Variants in RLIG1 observed in about 807,000 individuals in gnomAD.
RLIG1 encodes RNA 5'-phosphate and 3'-OH ligase 1.
the RLIG1 span, among the ~76,000 whole-genome samples, chr12:88,041,006 A>G: frequency 6.6e-6 from 1 of 152,160 alleles, no homozygotes; most frequent in South Asian, 2.1e-4. Flanking sequence ...GTTCAGTGGC[A>G]TTAAGTATGT....
chr12:88,044,457 T>G, the RLIG1 span: 1 of 152,206 alleles, frequency 6.6e-6, no homozygotes, highest in Non-Finnish European at 1.5e-5. Flanking sequence ...CCGGCATGTC[T>G]TGAGTGCCCA....
the RLIG1 span, chr12:88,049,331 G>A: frequency 2.5e-5 from 40 of 1,585,434 alleles, no homozygotes; most frequent in Non-Finnish European, 3.2e-5. Flanking sequence ...CTTCTTCCTT[G>A]TAATTATACT....
chr12:88,039,021 T>C, the RLIG1 span, among the ~76,000 whole-genome samples: 1 of 152,174 alleles, frequency 6.6e-6, no homozygotes. Context: ...ATGTCAATTA[T>C]ATTGAGAAAA....
At chr12:88,046,362 C>T in the RLIG1 span, among the ~76,000 whole-genome samples, 1 of 152,132 alleles carries the variant, frequency 6.6e-6, no homozygotes, top group Non-Finnish European at 1.5e-5. Flanking sequence ...ATCAGAGATA[C>T]AGTGCAGCTG....
chr12:88,038,314 A>C, the RLIG1 span, among the ~76,000 whole-genome samples: 1 of 152,190 alleles, frequency 6.6e-6, no homozygotes, highest in African/African-American at 2.4e-5. Context: ...TTCTGCCTGC[A>C]TAGTCTAGGA....
the RLIG1 span, chr12:88,048,119 G>A: frequency 3.2e-6 from 2 of 627,104 alleles, no homozygotes; most frequent in Non-Finnish European, 4.8e-6. Flanking sequence ...AAAAAAAACA[G>A]TAAGATAAAG....
the RLIG1 span, chr12:88,036,078 T>C: frequency 5.1e-6 from 7 of 1,374,816 alleles, no homozygotes; most frequent in Non-Finnish European, 6.7e-6. Flanking sequence ...AATCAGGTAA[T>C]TGCCACAGTC....
the RLIG1 span, chr12:88,043,629 A>G: frequency 6.2e-7 from 1 of 1,612,388 alleles, no homozygotes; most frequent in Admixed American, 1.7e-5. Flanking sequence ...GAGGACTTCA[A>G]ACCAGCTCCG....
the RLIG1 span, chr12:88,040,306 T>G: frequency 8.4e-7 from 1 of 1,186,916 alleles, no homozygotes; most frequent in South Asian, 1.4e-5. Flanking sequence ...TATTACTTAT[T>G]TTTCTTAATC....
the RLIG1 span, chr12:88,036,181 C>T: frequency 1.2e-6 from 1 of 860,800 alleles, no homozygotes; most frequent in South Asian, 1.5e-5. Context: ...GCGGTGTTGA[C>T]AGTAGCCTAA....
chr12:88,035,683 C>CGT, the RLIG1 span: 1 of 1,609,080 alleles, frequency 6.2e-7, no homozygotes, highest in Non-Finnish European at 8.5e-7. Context: ...CGGAAAATGC[C>CGT]GTGTGTGTTT....
the RLIG1 span, chr12:88,043,788 A>G: frequency 9.2e-7 from 1 of 1,085,522 alleles, no homozygotes; most frequent in Non-Finnish European, 1.4e-6. Flanking sequence ...TCAATCAGAA[A>G]TTACAGAATT....
the RLIG1 span, chr12:88,036,089 C>T: frequency 2.9e-6 from 4 of 1,359,270 alleles, no homozygotes; most frequent in Non-Finnish European, 9.7e-7. Flanking sequence ...TGCCACAGTC[C>T]AAGCTTTACT....
At chr12:88,045,856 CAT>C in the RLIG1 span, 2 of 1,101,734 alleles carry the variant, frequency 1.8e-6, no homozygotes, top group East Asian at 2.4e-5. Context: ...ACTTAAAAAA[CAT>C]ACACACACTA....
chr12:88,036,758 C>T, the RLIG1 span, among the ~76,000 whole-genome samples: 3 of 152,296 alleles, frequency 2.0e-5, no homozygotes, highest in South Asian at 6.2e-4. Context: ...GTCTTACTTG[C>T]CACTCAGACT....
chr12:88,042,156 G>C, the RLIG1 span: 1 of 152,154 alleles, frequency 6.6e-6, no homozygotes, highest in Non-Finnish European at 1.5e-5. Context: ...AACCACTTAT[G>C]TGTGCAGGCA....
chr12:88,035,742 C>G, the RLIG1 span: 1 of 1,590,500 alleles, frequency 6.3e-7, no homozygotes, highest in Non-Finnish European at 8.6e-7. Flanking sequence ...GCATCAGGTA[C>G]GGAGGAGCGC....
the RLIG1 span, among the ~76,000 whole-genome samples, chr12:88,038,139 G>A: frequency 6.6e-6 from 1 of 152,138 alleles, no homozygotes; most frequent in African/African-American, 2.4e-5. Context: ...GAGTACTCAT[G>A]GTGCAAAGAC....
At chr12:88,035,759 G>A in the RLIG1 span, 1 of 1,573,176 alleles carries the variant, frequency 6.4e-7, no homozygotes, top group East Asian at 2.4e-5. Flanking sequence ...GCGCCGGGCA[G>A]GCTTGGCGGC....
Sources: allele counts gnomAD v4.1 joint callset (sites outside exome capture counted in the v4.1 genomes callset), GRCh38; gene constraint gnomAD v4.1.1; transcripts MANE v1.5; gene names NCBI Gene and HGNC (gene_info 2026-07-23, HGNC 2026-07-21).